TG: variants seen among roughly 807,000 people sequenced by gnomAD.
TG encodes the protein thyroid hormones.
In TG, 270 loss-of-function variants were observed where a neutral mutation model predicts 324.7. The ratio of observed to expected loss-of-function variants is 0.83; its 90% confidence interval spans 0.75 to 0.92. TG has a LOEUF of 0.92. Ranked by LOEUF, TG falls within the 40% of genes least tolerant of loss-of-function variation. The probability of loss-of-function intolerance (pLI) is 0.00; values close to 1 mark genes in which losing one functional copy is unlikely to be tolerated. For synonymous variants in TG, 1,401 were observed against 1,327.0 expected (o/e 1.06, Z -1.21); for missense variants, 3,591 against 3,456.4 (o/e 1.04, Z -0.98).
chr8:133,115,247 T>C (rs938384634), intron 44 of TG, among the ~76,000 whole-genome samples: 2 of 152,182 alleles, frequency 1.3e-5, no homozygotes, highest in Admixed American at 6.5e-5. Flanking sequence ...GAAGACGGAC[T>C]CCAGCTCAAC....
chr8:133,025,167 A>G (rs543159041), intron 40 of TG, among the ~76,000 whole-genome samples: 2 of 152,328 alleles, frequency 1.3e-5, no homozygotes, highest in African/African-American at 4.8e-5. Context: ...GCACAGAGAT[A>G]AGGAAAGGGC....
chr8:132,897,694 C>T lies in TG; in HGVS notation c.3047C>T (p.Ala1016Val). 1 of 1,614,240 alleles carries T rather than the reference C, an allele frequency of 6.2e-7. No homozygotes were observed. The highest frequency in any genetic ancestry group is 8.5e-7 in the Non-Finnish European group (1 of 1,180,046). The change falls in exon 12 of 48, where the codon GCT becomes GTT. Residue 1016 changes from alanine to valine, a missense_variant. By Grantham distance (64) the Ala-to-Val change is moderately conservative. Transcript: ENST00000220616. ...QRRRFSPDDS[A>V]GASALLRSGP... ...CGCCGCTTTTCCCCGGACGACTCGG[C>T]TGGAGCATCCGCCCTTCTGCGGTCG... is the stretch of plus-strand genomic sequence containing the variant.
intron 11 of TG, among the ~76,000 whole-genome samples, chr8:132,896,760 A>G (rs1243757191): frequency 2.6e-5 from 4 of 152,028 alleles, no homozygotes; most frequent in African/African-American, 7.3e-5. Context: ...TGAGCCAGAC[A>G]CTCCTCTACA....
intron 41 of TG, chr8:133,076,773 A>AC (rs957869531): frequency 6.6e-6 from 1 of 151,570 alleles, no homozygotes; most frequent in East Asian, 1.9e-4. Flanking sequence ...AAAAAAAAAA[A>AC]AAAAAACAAC....
At chr8:133,044,992 T>G in intron 41 of TG, 1 of 1,614,184 alleles carries the variant, frequency 6.2e-7, no homozygotes, top group Non-Finnish European at 8.5e-7. Context: ...ACCAGAATAG[T>G]GGTTCACCAG....
At chr8:133,129,541 G>C (rs764317793) in intron 45 of TG, among the ~76,000 whole-genome samples, 4 of 152,108 alleles carry the variant, frequency 2.6e-5, no homozygotes, top group African/African-American at 4.8e-5. Flanking sequence ...TGTCACCCAG[G>C]TTGGAGTGCA....
At chr8:133,039,044 AT>A (rs1294530649) in intron 41 of TG, among the ~76,000 whole-genome samples, 8 of 152,008 alleles carry the variant, frequency 5.3e-5, no homozygotes, top group African/African-American at 1.2e-4. Context: ...CGCCCAGCTA[AT>A]TTTTTGTATT....
chr8:133,128,339 A>G (rs1314468251), intron 45 of TG, among the ~76,000 whole-genome samples: 4 of 52,604 alleles, frequency 7.6e-5, no homozygotes, highest in African/African-American at 2.5e-4. Flanking sequence ...AAAGGCGTGC[A>G]CACACACACA....
chr8:133,068,971 A>C (rs1242858269), intron 41 of TG, among the ~76,000 whole-genome samples: 2 of 152,266 alleles, frequency 1.3e-5, no homozygotes, highest in African/African-American at 4.8e-5. Flanking sequence ...TCATATAAGC[A>C]GGCTGGCCTA....
At chr8:133,067,414 T>C (rs947223881) in intron 41 of TG, among the ~76,000 whole-genome samples, 1 of 152,118 alleles carries the variant, frequency 6.6e-6, no homozygotes, top group Non-Finnish European at 1.5e-5. Context: ...AGAGAGGACA[T>C]GCAACTCCTA....
chr8:133,132,647 G>A (rs895702848), intron 46 of TG, among the ~76,000 whole-genome samples: 29 of 152,142 alleles, frequency 1.9e-4, no homozygotes, highest in Admixed American at 1.9e-3. Flanking sequence ...AAGATAAAAA[G>A]GTGCAAAAGT....
chr8:133,004,372 A>G (rs1263633861), intron 35 of TG, among the ~76,000 whole-genome samples: 1 of 152,192 alleles, frequency 6.6e-6, no homozygotes, highest in Non-Finnish European at 1.5e-5. Context: ...GCAGAAGAAA[A>G]GCACAGTTCC....
intron 37 of TG, among the ~76,000 whole-genome samples, chr8:133,017,391 G>T (rs962271711): frequency 6.6e-6 from 1 of 151,380 alleles, no homozygotes; most frequent in Admixed American, 6.6e-5. Context: ...CCACAGAAAT[G>T]TTGGCTGTGT....
At chr8:133,086,946 G>A (rs1846656566) in intron 41 of TG, among the ~76,000 whole-genome samples, 1 of 152,106 alleles carries the variant, frequency 6.6e-6, no homozygotes, top group African/African-American at 2.4e-5. Context: ...TAATTAGCAT[G>A]CTGGCATTGA....
intron 45 of TG, among the ~76,000 whole-genome samples, chr8:133,119,359 G>T (rs930834502): frequency 2.6e-5 from 4 of 152,174 alleles, no homozygotes; most frequent in Admixed American, 2.0e-4. Context: ...GATATGAAGT[G>T]TGTCTCAGTC....
intron 44 of TG, among the ~76,000 whole-genome samples, chr8:133,115,330 A>G (rs1850589894): frequency 6.6e-6 from 1 of 152,128 alleles, no homozygotes; most frequent in Non-Finnish European, 1.5e-5. Context: ...TTTCCTGGGC[A>G]GTGTCCCACC....
intron 42 of TG, 123 bp from the exon 43 acceptor site, chr8:133,096,083 T>C (rs1415265907): frequency 2.4e-6 from 3 of 1,272,056 alleles, no homozygotes; most frequent in Non-Finnish European, 3.4e-6. Context: ...TCCTGGTCAC[T>C]TTTTCTCAGT....
chr8:132,888,689 GT>G, intron 10 of TG, 121 bp downstream of exon 10: 1 of 1,092,684 alleles, frequency 9.2e-7, no homozygotes, highest in Non-Finnish European at 1.3e-6. Context: ...CTGGAATGGA[GT>G]TTAGAGATGG....
intron 37 of TG, among the ~76,000 whole-genome samples, chr8:133,017,239 A>C (rs1334250845): frequency 1.3e-5 from 2 of 151,578 alleles, no homozygotes; most frequent in Admixed American, 6.6e-5. Context: ...GCAATTCTGA[A>C]ACCCAAAAGT....
Sources: gnomAD v4.1 joint callset for allele counts (sites outside exome capture counted in the v4.1 genomes callset) on GRCh38, gnomAD v4.1.1 for gene constraint, MANE v1.5 for transcripts, NCBI Gene and HGNC (gene_info 2026-07-23, HGNC 2026-07-21) for gene names.